C11orf24: variants seen among roughly 807,000 people sequenced by gnomAD.
C11orf24 encodes the protein uncharacterized protein C11orf24.
In C11orf24, 5 loss-of-function variants were observed where a neutral mutation model predicts 7.3. That is an observed-to-expected ratio of 0.69 (90% CI 0.36 to 1.45). The LOEUF is 1.45. Among genes scored for constraint, C11orf24 ranks in the 40% most tolerant of loss-of-function variants. The probability of loss-of-function intolerance (pLI) is 0.03; values close to 1 mark genes in which losing one functional copy is unlikely to be tolerated. For synonymous variants in C11orf24, 233 were observed against 235.7 expected (o/e 0.99, Z 0.11); for missense variants, 566 against 590.5 (o/e 0.96, Z 0.43).
At chr11:68,263,304 T>G in intron 3 of C11orf24, 1 of 402,746 alleles carries the variant, frequency 2.5e-6, no homozygotes, top group Non-Finnish European at 4.5e-6. Flanking sequence ...GCACAGGTAT[T>G]CACATCATAA....
intron 3 of C11orf24, 183 bp downstream of exon 3, chr11:68,263,509 G>A (rs767207214): frequency 1.7e-6 from 1 of 592,738 alleles, no homozygotes; most frequent in Non-Finnish European, 3.0e-6. Context: ...CCTGCTAGGG[G>A]CTCTTTGCCC....
chr11:68,265,386 T>G (rs747454097), intron 2 of C11orf24, among the ~76,000 whole-genome samples: 4 of 152,188 alleles, frequency 2.6e-5, no homozygotes, highest in Non-Finnish European at 4.4e-5. Flanking sequence ...CATGAGTGAA[T>G]GAGTGACTGA....
intron 2 of C11orf24, among the ~76,000 whole-genome samples, chr11:68,264,823 A>G (rs1180421413): frequency 6.6e-6 from 1 of 151,342 alleles, no homozygotes; most frequent in Non-Finnish European, 1.5e-5. Context: ...AGGGACCTGC[A>G]GTCCATGGGA....
In C11orf24 at chr11:68,262,838, CA is replaced by C; in HGVS notation, c.156del (p.Glu53ArgfsTer3). 6.2e-7 allele frequency: 1 copy of C among 1,614,196 alleles called. No homozygotes were observed. The highest frequency in any genetic ancestry group is 8.5e-7 in the Non-Finnish European group (1 of 1,180,044). ...GAAGCTGCTGCCATGGTTACATCCTCAGACGTTTTATTATCAACTGTTTCCA... is the reference window on the plus strand; with the variant it reads ...GAAGCTGCTGCCATGGTTACATCCTCGACGTTTTATTATCAACTGTTTCCA... Reference protein sequence around the residue: ...ASVETVDNKTSEDVTMAAASP... With the variant: ...ASVETVDNKTXEDVTMAAASP... On this transcript the variant is annotated frameshift_variant, in exon 4 of 4. Transcript: ENST00000304271. LOFTEE classifies it low-confidence loss of function (END_TRUNC).
At chr11:68,270,076 G>T (rs1449998815) in intron 1 of C11orf24, among the ~76,000 whole-genome samples, 11 of 152,262 alleles carry the variant, frequency 7.2e-5, no homozygotes, top group Non-Finnish European at 1.2e-4. Context: ...ATGTGGTACA[G>T]GGAGACTGGG....
At chr11:68,271,145 T>C (rs2098567712) in intron 1 of C11orf24, among the ~76,000 whole-genome samples, 1 of 152,198 alleles carries the variant, frequency 6.6e-6, no homozygotes, top group African/African-American at 2.4e-5. Context: ...GCTGATTTTA[T>C]CGAAATGTTA....
chr11:68,269,397 G>A (rs2098566764), intron 1 of C11orf24, among the ~76,000 whole-genome samples: 1 of 152,218 alleles, frequency 6.6e-6, no homozygotes, highest in Non-Finnish European at 1.5e-5. Flanking sequence ...TTCTCTCATT[G>A]ATGAATATTT....
At chr11:68,269,831 C>T (rs1212336072) in intron 1 of C11orf24, among the ~76,000 whole-genome samples, 2 of 152,268 alleles carry the variant, frequency 1.3e-5, no homozygotes, top group East Asian at 3.9e-4. Context: ...ACTGTGTAGT[C>T]GAGAACAGGC....
chr11:68,271,832 C>G (rs2098568190), intron 1 of C11orf24, 25 bp downstream of exon 1: 1 of 152,402 alleles, frequency 6.6e-6, no homozygotes, highest in Non-Finnish European at 1.5e-5. Context: ...CAGCAGCTAC[C>G]CGGACGGCAG....
At chr11:68,264,233 T>C (rs1266241284) in intron 2 of C11orf24, among the ~76,000 whole-genome samples, 2 of 152,038 alleles carry the variant, frequency 1.3e-5, no homozygotes, top group Non-Finnish European at 1.5e-5. Context: ...GCTTCCCCCA[T>C]AGTCTGCAGA....
chr11:68,262,580 TGGA>T lies in C11orf24; in HGVS notation c.412_414del (p.Ser139del), dbSNP rs2098562462. 1 of 1,608,480 alleles carries T rather than the reference TGGA, an allele frequency of 6.2e-7. No homozygotes were observed. The highest frequency in any genetic ancestry group is 8.5e-7 in the Non-Finnish European group (1 of 1,175,822). ...GGAGCAATGGAGGCCACAGTTGTAC[TGGA>T]GGCTGCAGTCGTGGGAGCACTGGAG... On this transcript the variant is annotated inframe_deletion, in exon 4 of 4. Transcript: ENST00000304271.
rs751363995 is a variant in C11orf24, at chr11:68,262,689, C to T, written c.306G>A (p.Val102=). The T allele has an allele frequency of 1.2e-6, 2 of 1,614,168 alleles. No individual in the cohort carries two copies. Among genetic ancestry groups the T allele is most frequent in the East Asian group, 2.2e-5 (1 of 44,878 alleles). Residue 102 remains valine (V), a synonymous_variant, in exon 4 of 4, where the codon GTG becomes GTA. Coordinates refer to ENST00000304271, the MANE Select transcript of C11orf24 (RefSeq NM_022338.4). ...CCACAGCCGTGGGAGCAATGGAGGT[C>T]ACACCATCAGCTGCACCTCCTGAAG... is the stretch of plus-strand genomic sequence containing the variant. ...PATSGGAADG[V]TSIAPTAVAS...
Position 68,262,875 on chromosome 11 carries a change from C to A in C11orf24, c.120G>T (p.Arg40Ser). The A allele has an allele frequency of 6.2e-7, 1 of 1,614,060 alleles. No homozygotes were observed. The highest frequency in any genetic ancestry group is 8.5e-7 in the Non-Finnish European group (1 of 1,180,030). Residue 40 changes from arginine to serine, a missense_variant, in exon 4 of 4, where the codon AGG becomes AGT. Transcript: ENST00000304271. ...PNKMWKGLVK[R>S]NASVETVDNK... ...TATCAACTGTTTCCACAGATGCATT[C>A]CTCTTGACTAATCCCTTCCACATTT...
chr11:68,270,047 A>AAC (rs1555055021), intron 1 of C11orf24, among the ~76,000 whole-genome samples: 1 of 151,934 alleles, frequency 6.6e-6, no homozygotes. Flanking sequence ...TCGGGACCCC[A>AAC]CCAGTTATTC....
intron 2 of C11orf24, 190 bp downstream of exon 2, chr11:68,267,864 C>CA (rs955369175): frequency 4.6e-5 from 7 of 150,846 alleles, no homozygotes; most frequent in Non-Finnish European, 8.9e-5. Context: ...AACAAACAAA[C>CA]AAAAAAAAAT....
intron 1 of C11orf24, 78 bp downstream of exon 1, chr11:68,271,779 C>T: frequency 6.5e-6 from 1 of 152,928 alleles, no homozygotes; most frequent in Admixed American, 6.5e-5. Flanking sequence ...CTCCTGCCCC[C>T]CAACCTCTGT....
At chr11:68,265,633 G>A (rs1450687898) in intron 2 of C11orf24, among the ~76,000 whole-genome samples, 1 of 152,060 alleles carries the variant, frequency 6.6e-6, no homozygotes, top group African/African-American at 2.4e-5. Context: ...GATCACAGGC[G>A]CATGCCACCA....
rs141439527 is a variant in C11orf24, at chr11:68,261,672, G to A, written c.1323C>T (p.Asn441=). The A allele has an allele frequency of 1.4e-3, 2,239 of 1,611,164 alleles. 3 individuals carry two copies. Among genetic ancestry groups the A allele is most frequent in the Non-Finnish European group, 1.8e-3 (2,069 of 1,177,484 alleles). The change falls in exon 4 of 4, where the codon AAC becomes AAT. Residue 441 remains asparagine, a synonymous_variant. Transcript: ENST00000304271. Reference sequence around the variant, plus strand: ...ACATTTCTGAGTCCGCATACATCCCGTTGATTAAGTAGTCCACCTGGGTGT... The same window carrying A: ...ACATTTCTGAGTCCGCATACATCCCATTGATTAAGTAGTCCACCTGGGTGT... ...KDYTQVDYLI[N]GMYADSEM is the part of the protein sequence containing the mutation.
At chr11:68,264,160 C>T (rs1392570454) in intron 2 of C11orf24, among the ~76,000 whole-genome samples, 1 of 152,146 alleles carries the variant, frequency 6.6e-6, no homozygotes, top group South Asian at 2.1e-4. Context: ...AGGGCTAAGA[C>T]TTGGTTGTGT....
Sources: allele counts gnomAD v4.1 joint callset (sites outside exome capture counted in the v4.1 genomes callset), GRCh38; gene constraint gnomAD v4.1.1; transcripts MANE v1.5; gene names NCBI Gene and HGNC (gene_info 2026-07-23, HGNC 2026-07-21).